GATAD2A: variants seen among roughly 807,000 people sequenced by gnomAD.
The protein encoded by GATAD2A is transcriptional repressor p66-alpha.
A neutral mutation model predicts 68.5 loss-of-function variants in GATAD2A; 12 were observed. That is an observed-to-expected ratio of 0.18 (90% confidence interval 0.11 to 0.28). The LOEUF (loss-of-function observed/expected upper bound fraction) is 0.28, where lower values mean the gene tolerates loss of function less well. Ranked by LOEUF, GATAD2A falls within the 10% of genes least tolerant of loss-of-function variation. The probability of loss-of-function intolerance (pLI) is 1.00; values close to 1 mark genes in which losing one functional copy is unlikely to be tolerated. For missense variants in GATAD2A, 755 were observed against 868.5 expected, an observed-to-expected ratio of 0.87 and a Z score of 1.64; for synonymous variants, 410 against 375.3, an observed-to-expected ratio of 1.09 and a Z score of -1.07.
chr19:19,492,764 C>A, intron 4 of GATAD2A, 52 bp downstream of exon 4: 1 of 1,589,466 alleles, frequency 6.3e-7, no homozygotes, highest in Non-Finnish European at 8.6e-7. Flanking sequence ...CCTGGCCTTG[C>A]CTTGATCCCC....
intron 1 of GATAD2A, among the ~76,000 whole-genome samples, chr19:19,430,900 C>T (rs1302317158): frequency 6.6e-6 from 1 of 151,910 alleles, no homozygotes; most frequent in African/African-American, 2.4e-5. Flanking sequence ...TGTAAATTGC[C>T]ATAGCTACCT....
At chr19:19,471,394 C>T (rs1335062688) in intron 2 of GATAD2A, among the ~76,000 whole-genome samples, 1 of 152,066 alleles carries the variant, frequency 6.6e-6, no homozygotes, top group Non-Finnish European at 1.5e-5. Context: ...ACTTGCCACG[C>T]TAAGGAGGAT....
intron 1 of GATAD2A, among the ~76,000 whole-genome samples, chr19:19,392,415 C>G (rs539509560): frequency 5.6e-5 from 8 of 143,222 alleles, no homozygotes; most frequent in African/African-American, 2.1e-4. Flanking sequence ...TTTTTCCAGA[C>G]AGAGTCTCGC....
intron 1 of GATAD2A, among the ~76,000 whole-genome samples, chr19:19,438,785 A>G (rs1054321351): frequency 7.2e-5 from 11 of 152,254 alleles, no homozygotes; most frequent in African/African-American, 2.4e-4. Flanking sequence ...AGGACAGTCT[A>G]TAAACAGTCG....
chr19:19,501,188 C>A lies in GATAD2A; in HGVS notation c.1275C>A (p.Phe425Leu). 1 of 1,613,556 alleles carries A rather than the reference C, an allele frequency of 6.2e-7. No homozygotes were observed. Among genetic ancestry groups the A allele is most frequent in the Non-Finnish European group, 8.5e-7 (1 of 1,179,990 alleles). Residue 425 changes from phenylalanine (F) to leucine (L), a missense_variant, in exon 9 of 12, where the codon TTC becomes TTA. Physicochemically the swap from Phe to Leu is conservative, Grantham distance 22. Transcript: ENST00000683918. ...TGTGTGCACAGTGCAAGACGGACTTCACGTGCCGCTGGCGGGAGGAGAAGA... is the reference window on the plus strand; with the variant it reads ...TGTGTGCACAGTGCAAGACGGACTTAACGTGCCGCTGGCGGGAGGAGAAGA... The part of the protein sequence containing the change: ...PYMCAQCKTD[F>L]TCRWREEKSG...
intron 1 of GATAD2A, among the ~76,000 whole-genome samples, chr19:19,411,280 C>G (rs984714251): frequency 6.6e-6 from 1 of 152,220 alleles, no homozygotes; most frequent in South Asian, 2.1e-4. Context: ...GCCTTGGGGC[C>G]TTCTTGACGA....
At chr19:19,444,757 G>T (rs993591237) in intron 1 of GATAD2A, among the ~76,000 whole-genome samples, 4 of 151,576 alleles carry the variant, frequency 2.6e-5, no homozygotes, top group African/African-American at 9.7e-5. Flanking sequence ...TTTAGTCCCA[G>T]CTACTCAGGA....
chr19:19,466,970 A>C (rs995194696), intron 2 of GATAD2A, among the ~76,000 whole-genome samples: 5 of 152,200 alleles, frequency 3.3e-5, no homozygotes, highest in African/African-American at 1.2e-4. Context: ...GTCCATGTGC[A>C]TGGGGTCCCT....
intron 1 of GATAD2A, among the ~76,000 whole-genome samples, chr19:19,430,505 G>C (rs1400008552): frequency 6.6e-6 from 1 of 152,224 alleles, no homozygotes; most frequent in Admixed American, 6.5e-5. Flanking sequence ...GCCATGTCAT[G>C]TTCCCAGGAT....
intron 8 of GATAD2A, among the ~76,000 whole-genome samples, chr19:19,500,294 C>T (rs1600303103): frequency 6.6e-6 from 1 of 152,128 alleles, no homozygotes; most frequent in Non-Finnish European, 1.5e-5. Flanking sequence ...CTGCAGGTGG[C>T]GGTCTCATGG....
chr19:19,443,951 A>G (rs2147705305), intron 1 of GATAD2A, among the ~76,000 whole-genome samples: 1 of 152,172 alleles, frequency 6.6e-6, no homozygotes, highest in Admixed American at 6.5e-5. Context: ...CCTCTCTTAC[A>G]CACTCTTATT....
intron 1 of GATAD2A, among the ~76,000 whole-genome samples, chr19:19,392,126 A>T (rs1168542158): frequency 8.2e-6 from 1 of 122,006 alleles, no homozygotes; most frequent in Non-Finnish European, 1.6e-5. Flanking sequence ...GTGCTCTGTC[A>T]CCCAGGCTGG....
chr19:19,496,861 G>T (rs569496218), intron 7 of GATAD2A, among the ~76,000 whole-genome samples: 2 of 152,290 alleles, frequency 1.3e-5, no homozygotes, highest in African/African-American at 4.8e-5. Context: ...TTGTTGGTGG[G>T]CGTGTTCGCT....
rs1433620344 is a variant in GATAD2A, at chr19:19,506,175, C to CG, written c.*702dup. 2.5e-6 allele frequency: 1 copy of CG among 398,630 alleles called. No individual in the cohort carries two copies. Among genetic ancestry groups the CG allele is most frequent in the East Asian group, 3.6e-5 (1 of 28,058 alleles). The allele number at this position is 398,630 out of a possible 1,614,324, so 24.7% of individuals were successfully genotyped here. A position where few individuals can be genotyped will look rare whatever the true frequency, so the allele number is the denominator to read the frequency against. On this transcript the variant is annotated 3_prime_UTR_variant, in exon 12 of 12. Coordinates refer to ENST00000683918, the MANE Select transcript of GATAD2A (RefSeq NM_001384528.1). Reference sequence around the variant, plus strand: ...ATGCAGGGATGGCCGAGGCAGCCCTCGCTCCAGCTGAACGCCTCCATTGCT... The same window carrying CG: ...ATGCAGGGATGGCCGAGGCAGCCCTCGGCTCCAGCTGAACGCCTCCATTGCT...
chr19:19,498,857 G>A, intron 8 of GATAD2A, 135 bp downstream of exon 8: 1 of 712,864 alleles, frequency 1.4e-6, no homozygotes, highest in Non-Finnish European at 2.3e-6. Context: ...GGCTTGGCAG[G>A]GACACCGTCA....
intron 2 of GATAD2A, among the ~76,000 whole-genome samples, chr19:19,469,482 A>G (rs1302908298): frequency 3.3e-5 from 5 of 152,172 alleles, no homozygotes. Context: ...ACTAAAAAAT[A>G]TTTAACACGA....
chr19:19,446,463 T>G (rs974738084), intron 1 of GATAD2A, among the ~76,000 whole-genome samples: 3 of 152,002 alleles, frequency 2.0e-5, no homozygotes, highest in Admixed American at 1.3e-4. Flanking sequence ...TTTGCTATAA[T>G]TTTTTCCCAT....
intron 1 of GATAD2A, chr19:19,457,286 G>A (rs1364244250): frequency 1.0e-6 from 1 of 968,572 alleles, no homozygotes; most frequent in African/African-American, 1.8e-5. Context: ...TTCTTCCCAG[G>A]GGCCTCCCAG....
In GATAD2A at chr19:19,492,662, T is replaced by C; in HGVS notation, c.484T>C (p.Leu162=). 1.2e-6 allele frequency: 2 copies of C among 1,614,196 alleles called. No individual in the cohort carries two copies. The change falls in exon 4 of 12, where the codon TTG becomes CTG. Residue 162 remains leucine, a synonymous_variant. Coordinates refer to ENST00000683918, the MANE Select transcript of GATAD2A (RefSeq NM_001384528.1). ...GTTAGAAGAAGCAAAACTCGTGTTG[T>C]TGAAAAAGTTGCGGCAGAGTCAAAT... The part of the protein sequence containing the change: ...LRLEEAKLVL[L]KKLRQSQIQK...
Sources: gnomAD v4.1 joint callset for allele counts (sites outside exome capture counted in the v4.1 genomes callset) on GRCh38, gnomAD v4.1.1 for gene constraint, MANE v1.5 for transcripts, NCBI Gene and HGNC (gene_info 2026-07-23, HGNC 2026-07-21) for gene names.